The following PRKCA variants were observed in gnomAD, a reference collection of about 807,000 sequenced individuals.
PRKCA encodes protein kinase C alpha type.
In PRKCA, 27 loss-of-function variants were observed where a neutral mutation model predicts 87.0. The observed-to-expected ratio is 0.31, with a 90% confidence interval of 0.23 to 0.43. PRKCA has a LOEUF of 0.43. Among genes scored for constraint, PRKCA ranks in the 20% least tolerant of loss-of-function variants. The probability of loss-of-function intolerance (pLI) is 1.00; values close to 1 mark genes in which losing one functional copy is unlikely to be tolerated. For synonymous variants in PRKCA, 329 were observed against 311.1 expected, an observed-to-expected ratio of 1.06 and a Z score of -0.61; for missense variants, 518 against 852.3, an observed-to-expected ratio of 0.61 and a Z score of 4.88.
intron 8 of PRKCA, among the ~76,000 whole-genome samples, chr17:66,718,417 A>G (rs1429287021): frequency 6.6e-6 from 1 of 152,152 alleles, no homozygotes; most frequent in African/African-American, 2.4e-5. Flanking sequence ...GGCTCAAGCA[A>G]TCCTCCTGCT....
In PRKCA at chr17:66,645,394, A is replaced by G. The variant is rs759379662; in HGVS notation, c.412A>G (p.Asn138Asp). The part of the protein sequence containing the change: ...QGMKCDTCDM[N>D]VHKQCVINVP... ...TTCTTGATTCACAGCCTGCGATATG[A>G]ACGTTCACAAGCAATGCGTCATCAA... Residue 138 changes from asparagine to aspartate, a missense_variant, in exon 5 of 17, where the codon AAC becomes GAC. Around this residue, in one of 5 missense-constraint regions of PRKCA, gnomAD observed 300 missense variants for 496.8 expected, o/e 0.60. Coordinates refer to ENST00000413366, the MANE Select transcript of PRKCA (RefSeq NM_002737.3). 2 of 1,614,192 alleles carry G rather than the reference A, an allele frequency of 1.2e-6. No homozygotes were observed. The highest frequency in any genetic ancestry group is 1.7e-6 in the Non-Finnish European group (2 of 1,180,042).
intron 3 of PRKCA, among the ~76,000 whole-genome samples, chr17:66,576,438 G>A (rs1332743261): frequency 6.6e-6 from 1 of 152,214 alleles, no homozygotes; most frequent in Admixed American, 6.5e-5. Flanking sequence ...TAAGATGCAG[G>A]AAGAGCTTGA....
At chr17:66,631,480 A>G (rs1971008505) in intron 3 of PRKCA, among the ~76,000 whole-genome samples, 1 of 152,144 alleles carries the variant, frequency 6.6e-6, no homozygotes, top group Admixed American at 6.5e-5. Context: ...ATTCACAGGC[A>G]TGATCATGGC....
chr17:66,727,054 C>T (rs1449886737), intron 8 of PRKCA, among the ~76,000 whole-genome samples: 1 of 152,098 alleles, frequency 6.6e-6, no homozygotes, highest in Non-Finnish European at 1.5e-5. Flanking sequence ...AGCCCGCCAG[C>T]GAGAGCAACG....
chr17:66,716,387 G>T (rs1318184946), intron 8 of PRKCA, among the ~76,000 whole-genome samples: 2 of 152,204 alleles, frequency 1.3e-5, no homozygotes, highest in African/African-American at 4.8e-5. Flanking sequence ...TGTCATGGCT[G>T]TTGCAGTGCG....
intron 2 of PRKCA, among the ~76,000 whole-genome samples, chr17:66,493,087 G>A (rs76114185): frequency 0.023 from 3,516 of 152,272 alleles, 130 homozygotes; most frequent in African/African-American, 0.08. Context: ...TGCCAGGCAT[G>A]CATTTTCTTT....
intron 2 of PRKCA, among the ~76,000 whole-genome samples, chr17:66,387,348 C>T (rs185737991): frequency 1.5e-4 from 23 of 152,272 alleles, no homozygotes; most frequent in Admixed American, 1.1e-3. Context: ...GGTCAGATCA[C>T]CTCTAACACC....
At chr17:66,553,551 G>T (rs1219862969) in intron 3 of PRKCA, among the ~76,000 whole-genome samples, 1 of 152,320 alleles carries the variant, frequency 6.6e-6, no homozygotes, top group Non-Finnish European at 1.5e-5. Flanking sequence ...ATAGAATATG[G>T]TAGCAGTGAC....
chr17:66,565,336 A>T (rs956738529), intron 3 of PRKCA, among the ~76,000 whole-genome samples: 1 of 152,186 alleles, frequency 6.6e-6, no homozygotes, highest in Non-Finnish European at 1.5e-5. Context: ...GCTGCTCTAA[A>T]GTTCAATTTG....
chr17:66,798,761 GTGGTGGTGGTGGTGA>G (rs1975772219), intron 16 of PRKCA, among the ~76,000 whole-genome samples: 2 of 1,880 alleles, frequency 1.1e-3, no homozygotes, highest in Non-Finnish European at 1.1e-3. Context: ...GGTGGTGGTG[GTGGTGGTGGTGGTGA>G]TGGTGGTGGT....
At chr17:66,692,801 A>G (rs1972819332) in intron 8 of PRKCA, among the ~76,000 whole-genome samples, 1 of 152,140 alleles carries the variant, frequency 6.6e-6, no homozygotes, top group Non-Finnish European at 1.5e-5. Context: ...GCCACCCTCC[A>G]GTAACAGTTT....
At chr17:66,668,840 C>A (rs1034197436) in intron 5 of PRKCA, among the ~76,000 whole-genome samples, 2 of 152,218 alleles carry the variant, frequency 1.3e-5, no homozygotes, top group African/African-American at 4.8e-5. Flanking sequence ...CAGTGGCTTA[C>A]ACCTGTAATC....
chr17:66,522,184 G>A (rs918352420), intron 3 of PRKCA, among the ~76,000 whole-genome samples: 10 of 152,196 alleles, frequency 6.6e-5, no homozygotes, highest in Admixed American at 2.6e-4. Context: ...CAGGAGCCCC[G>A]TGGGAGGAAC....
chr17:66,797,003 T>C, intron 16 of PRKCA: 24 of 975,988 alleles, frequency 2.5e-5, no homozygotes, highest in Non-Finnish European at 2.9e-5. Flanking sequence ...TTTTGCTTTT[T>C]AACAGCAGTG....
At chr17:66,423,360 A>G (rs1912601144) in intron 2 of PRKCA, among the ~76,000 whole-genome samples, 2 of 152,274 alleles carry the variant, frequency 1.3e-5, no homozygotes, top group South Asian at 4.1e-4. Flanking sequence ...TTATGATCCC[A>G]TATTTGGAAA....
chr17:66,653,810 C>CAA lies in PRKCA; in HGVS notation c.529+8302_529+8303dup, dbSNP rs1491064107. On this transcript the variant is annotated intron_variant, in intron 5 of 16. Transcript: ENST00000413366. ...AGCTCTTAAAAAAAAAAAAAAAAAA[C>CAA]AAAACCAACAAGCTTTATGATGCTC... Among the ~76,000 whole-genome samples the CAA allele has an allele frequency of 6.2e-5, 5 of 80,524 alleles. No homozygotes were observed. The East Asian group carries it at 2.0e-3, about 32-fold the overall frequency. 52.8% of individuals were successfully genotyped at this position (80,524 alleles called of 152,430 possible). A position where few individuals can be genotyped will look rare whatever the true frequency, so the allele number is the denominator to read the frequency against.
At chr17:66,709,301 CTTTTT>C (rs552633887) in intron 8 of PRKCA, among the ~76,000 whole-genome samples, 2,094 of 84,738 alleles carry the variant, frequency 0.025, 25 homozygotes, top group African/African-American at 0.087. Flanking sequence ...GAGATGATTT[CTTTTT>C]TTTTTTTTTT....
At chr17:66,569,392 A>T (rs1022003982) in intron 3 of PRKCA, among the ~76,000 whole-genome samples, 1 of 152,154 alleles carries the variant, frequency 6.6e-6, no homozygotes, top group African/African-American at 2.4e-5. Context: ...AACATGGTGA[A>T]ACTCTGTCTC....
chr17:66,360,934 G>A (rs181235813), intron 2 of PRKCA, among the ~76,000 whole-genome samples: 13 of 152,014 alleles, frequency 8.6e-5, no homozygotes, highest in African/African-American at 1.9e-4. Flanking sequence ...TAAGAGTATC[G>A]TCTTTATCTG....
Sources: gnomAD v4.1 joint callset for allele counts (sites outside exome capture counted in the v4.1 genomes callset) on GRCh38, gnomAD v4.1.1 for gene constraint, gnomAD v4.1.1 regional missense constraint, MANE v1.5 for transcripts, NCBI Gene and HGNC (gene_info 2026-07-23, HGNC 2026-07-21) for gene names.